Variants in DMD observed in about 807,000 individuals in gnomAD.
DMD encodes mutant dystrophin.
Under a neutral mutation model 330.1 loss-of-function variants are expected in DMD, and 63 were observed. The observed-to-expected ratio is 0.19, with a 90% CI of 0.16 to 0.24. The LOEUF is 0.24. Ranked by LOEUF, DMD falls within the 10% of genes least tolerant of loss-of-function variation. The pLI is 1.00. For synonymous variants in DMD, 1,223 were observed against 959.8 expected, an observed-to-expected ratio of 1.27 and a Z score of -5.07; for missense variants, 3,344 against 2,684.1, an observed-to-expected ratio of 1.25 and a Z score of -5.43.
intron 55 of DMD, among the ~76,000 whole-genome samples, chrX:31,556,887 A>T (rs1331151764): frequency 1.8e-5 from 2 of 111,591 alleles, no homozygotes; most frequent in Non-Finnish European, 3.8e-5. Context: ...GCCACTATAA[A>T]ATTAAATATG....
intron 44 of DMD, among the ~76,000 whole-genome samples, chrX:32,099,636 G>A (rs1406250737): frequency 1.9e-5 from 2 of 105,552 alleles, no homozygotes; most frequent in East Asian, 6.2e-4. Flanking sequence ...GTAAACTATC[G>A]CAAGGACAAA....
chrX:32,235,085 T>C (rs1418268357), intron 43 of DMD, among the ~76,000 whole-genome samples: 1 of 111,479 alleles, frequency 9.0e-6, no homozygotes, highest in Non-Finnish European at 1.9e-5. Context: ...TTACAGTTAT[T>C]GCACACATTA....
At chrX:31,466,844 C>G (rs2066893455) in intron 59 of DMD, among the ~76,000 whole-genome samples, 1 of 111,508 alleles carries the variant, frequency 9.0e-6, no homozygotes, top group South Asian at 3.8e-4. Flanking sequence ...TTTCCTTGAG[C>G]AGTGGTTTGT....
intron 2 of DMD, among the ~76,000 whole-genome samples, chrX:32,968,498 C>G (rs1478074073): frequency 1.8e-5 from 2 of 111,350 alleles, no homozygotes; most frequent in Non-Finnish European, 3.8e-5. Context: ...CCTTCATTTG[C>G]TACAAAGATA....
chrX:31,216,057 C>T (rs2045373844), intron 64 of DMD, among the ~76,000 whole-genome samples: 1 of 112,595 alleles, frequency 8.9e-6, no homozygotes, highest in African/African-American at 3.2e-5. Flanking sequence ...GGGCATGAAT[C>T]CACTTGAAAT....
chrX:31,140,020 T>A (rs1414758575), intron 76 of DMD, among the ~76,000 whole-genome samples: 1 of 112,622 alleles, frequency 8.9e-6, no homozygotes, highest in Non-Finnish European at 1.9e-5. Flanking sequence ...ATAGTCTCCT[T>A]TAATCACTGC....
chrX:31,251,100 C>A (rs1324914119), intron 63 of DMD, among the ~76,000 whole-genome samples: 2 of 105,711 alleles, frequency 1.9e-5, no homozygotes, highest in Non-Finnish European at 1.9e-5. Flanking sequence ...AAAAAAAAAA[C>A]CCACCACCAA....
intron 1 of DMD, among the ~76,000 whole-genome samples, chrX:33,198,906 G>A (rs987025956): frequency 5.5e-5 from 6 of 109,288 alleles, no homozygotes; most frequent in South Asian, 7.8e-4. Flanking sequence ...AAGGGGAAAC[G>A]GGGAGGTTCT....
At chrX:31,487,298 A>G (rs1265471166) in intron 57 of DMD, among the ~76,000 whole-genome samples, 1 of 106,583 alleles carries the variant, frequency 9.4e-6, no homozygotes, top group Non-Finnish European at 1.9e-5. Context: ...TCGCTCTGTC[A>G]CTCAGGCTGG....
intron 59 of DMD, among the ~76,000 whole-genome samples, chrX:31,445,706 C>T (rs1277762150): frequency 9.0e-6 from 1 of 111,419 alleles, no homozygotes; most frequent in African/African-American, 3.3e-5. Context: ...TGGGGCTTCT[C>T]AGCTGTCTTT....
At chrX:31,837,296 A>C (rs763958705) in intron 48 of DMD, among the ~76,000 whole-genome samples, 1 of 111,966 alleles carries the variant, frequency 8.9e-6, no homozygotes, top group South Asian at 3.7e-4. Context: ...TTCTTTCCAA[A>C]GGGTAAACAC....
chrX:32,893,413 G>A (rs1169897975), intron 2 of DMD, among the ~76,000 whole-genome samples: 1 of 110,085 alleles, frequency 9.1e-6, no homozygotes, highest in Non-Finnish European at 1.9e-5. Flanking sequence ...TAAAAAATGA[G>A]AATACCACCT....
At chrX:31,714,076 C>G (rs1335924437) in intron 52 of DMD, among the ~76,000 whole-genome samples, 1 of 111,524 alleles carries the variant, frequency 9.0e-6, no homozygotes, top group Non-Finnish European at 1.9e-5. Context: ...CTCATCTATT[C>G]TGTCTCTATT....
rs1014243227 is a variant in DMD, at chrX:31,437,217, T to G, written c.9084+7264A>C. ...TTAGCTGATAAAAACTTGTATGCTTTGTAACACAACTGCTTTACTTACAAA... is the reference window on the plus strand; with the variant it reads ...TTAGCTGATAAAAACTTGTATGCTTGGTAACACAACTGCTTTACTTACAAA... On this transcript the variant is annotated intron_variant, in intron 60 of 78. Coordinates refer to ENST00000357033, the MANE Select transcript of DMD (RefSeq NM_004006.3). 3.6e-5 allele frequency among the ~76,000 whole-genome samples: 4 copies of G among 112,308 alleles called. No individual in the cohort carries two copies. The East Asian group carries it at 1.1e-3, about 31-fold the overall frequency.
Position 33,184,947 on chromosome X carries a change from C to T in DMD, c.31+26335G>A, listed in dbSNP as rs1344169934. Among the ~76,000 whole-genome samples, 3 of 109,647 alleles carry T rather than the reference C, an allele frequency of 2.7e-5. No homozygotes were observed. In the East Asian group the frequency reaches 8.6e-4, roughly 31 times the overall value. On this transcript the variant is annotated intron_variant, in intron 1 of 78. Coordinates refer to ENST00000357033, the MANE Select transcript of DMD (RefSeq NM_004006.3). ...CCATGTTGGTCAGGCTGGTCTCGAA[C>T]TCCTGACCTCGTGATGCTCCCACCT...
At chrX:31,320,411 T>C (rs769178481) in intron 62 of DMD, among the ~76,000 whole-genome samples, 3 of 112,342 alleles carry the variant, frequency 2.7e-5, no homozygotes, top group South Asian at 3.8e-4. Flanking sequence ...ATTAAAAACA[T>C]AGCCAGAGAA....
intron 1 of DMD, among the ~76,000 whole-genome samples, chrX:33,255,811 G>A (rs2052847404): frequency 9.0e-6 from 1 of 111,211 alleles, no homozygotes; most frequent in South Asian, 3.6e-4. Flanking sequence ...CAAAAACAAA[G>A]CCAATTTGAT....
intron 76 of DMD, among the ~76,000 whole-genome samples, chrX:31,135,909 A>G (rs1375112887): frequency 8.9e-6 from 1 of 112,111 alleles, no homozygotes; most frequent in Non-Finnish European, 1.9e-5. Context: ...TTCGGAAGCC[A>G]GTGACTAAAT....
Position 31,431,092 on chromosome X carries a change from G to A in DMD, c.9084+13389C>T, listed in dbSNP as rs762224021. The stretch of plus-strand genomic sequence containing the variant: ...TGGGATTACAGGCGTGAGCCACCGC[G>A]CCTGGACAAGTCAAGGTCTTTTTAT... On this transcript the variant is annotated intron_variant, in intron 60 of 78. Coordinates refer to ENST00000357033, the MANE Select transcript of DMD (RefSeq NM_004006.3). 1.5e-4 allele frequency among the ~76,000 whole-genome samples: 17 copies of A among 110,139 alleles called. No individual in the cohort carries two copies. The South Asian group carries it at 2.7e-3, about 18-fold the overall frequency.
Sources: gnomAD v4.1 joint callset for allele counts (sites outside exome capture counted in the v4.1 genomes callset) on GRCh38, gnomAD v4.1.1 for gene constraint, MANE v1.5 for transcripts, NCBI Gene and HGNC (gene_info 2026-07-23, HGNC 2026-07-21) for gene names.